GPR158: variants seen among roughly 807,000 people sequenced by gnomAD.
GPR158 encodes the protein G protein-coupled receptor 158.
GPR158 carries 30 observed loss-of-function variants against 78.2 expected under a neutral mutation model. The ratio of observed to expected loss-of-function variants is 0.38; its 90% CI spans 0.29 to 0.52. The LOEUF (loss-of-function observed/expected upper bound fraction) is 0.52. GPR158 is among the 20% of genes least tolerant of loss of function. The pLI is 0.83. For synonymous variants in GPR158, 581 were observed against 591.1 expected (o/e 0.98, Z 0.25); for missense variants, 1,463 against 1,523.5 (o/e 0.96, Z 0.66).
chr10:25,372,895 A>G (rs932734962), intron 2 of GPR158, among the ~76,000 whole-genome samples: 2 of 151,868 alleles, frequency 1.3e-5, no homozygotes, highest in Non-Finnish European at 2.9e-5. Context: ...ATTAATACAA[A>G]GAAAAAAAGA....
At chr10:25,228,543 G>A (rs1853404059) in intron 2 of GPR158, among the ~76,000 whole-genome samples, 1 of 152,056 alleles carries the variant, frequency 6.6e-6, no homozygotes, top group South Asian at 2.1e-4. Context: ...AAAATAAACA[G>A]GTTCTCCAGT....
At chr10:25,359,389 C>T (rs1855598192) in intron 2 of GPR158, among the ~76,000 whole-genome samples, 1 of 152,060 alleles carries the variant, frequency 6.6e-6, no homozygotes, top group African/African-American at 2.4e-5. Context: ...GGTATTTCTC[C>T]TAATGCTATC....
chr10:25,206,596 A>G (rs1214750030), intron 1 of GPR158, among the ~76,000 whole-genome samples: 1 of 152,172 alleles, frequency 6.6e-6, no homozygotes, highest in Non-Finnish European at 1.5e-5. Flanking sequence ...TTGTTGTAAA[A>G]CATATATGTT....
intron 5 of GPR158, among the ~76,000 whole-genome samples, chr10:25,505,947 A>G (rs1420604324): frequency 1.3e-5 from 2 of 152,216 alleles, no homozygotes; most frequent in Non-Finnish European, 2.9e-5. Context: ...TGATGTAGGC[A>G]CAGCTTTGTC....
intron 2 of GPR158, among the ~76,000 whole-genome samples, chr10:25,341,809 A>G (rs145274199): frequency 6.6e-6 from 1 of 151,942 alleles, no homozygotes; most frequent in East Asian, 1.9e-4. Context: ...TTTAAAGTTA[A>G]GTCCATCCTT....
rs1245036785 is a variant in GPR158 at position 25,599,600 on chromosome 10, A to G, written c.*326A>G. 4.4e-6 allele frequency: 1 copy of G among 226,576 alleles called. No individual in the cohort carries two copies. The highest frequency in any genetic ancestry group is 8.6e-6 in the Non-Finnish European group (1 of 115,752). 14.0% of individuals were successfully genotyped at this position (226,576 alleles called of 1,614,324 possible). ...ACTTTGAAGATCCTAAGCCAGGTAA[A>G]CCAGGAGACACAGAAGACGTACCAG... On this transcript the variant is annotated 3_prime_UTR_variant, in exon 11 of 11. Transcript: ENST00000376351.
chr10:25,500,733 T>C (rs905695844), intron 5 of GPR158, among the ~76,000 whole-genome samples: 4 of 152,210 alleles, frequency 2.6e-5, no homozygotes, highest in Non-Finnish European at 5.9e-5. Context: ...TGGAGAGGTA[T>C]AGACAGCGTG....
chr10:25,556,555 A>G lies in GPR158; in HGVS notation c.1514+5470A>G, dbSNP rs571154898. Among the ~76,000 whole-genome samples, 12 of 152,266 alleles carry G rather than the reference A, an allele frequency of 7.9e-5. No homozygotes were observed. The South Asian group carries it at 2.5e-3, about 32-fold the overall frequency. On this transcript the variant is annotated intron_variant, in intron 6 of 10. Coordinates refer to ENST00000376351, the MANE Select transcript of GPR158 (RefSeq NM_020752.3). ...GGCTGCCTACTCTGGGGTGCAGAGT[A>G]TCTTTAAGTGGAGAATTACTCATAG... is the stretch of plus-strand genomic sequence containing the variant.
chr10:25,196,808 G>A (rs1466364427), intron 1 of GPR158, among the ~76,000 whole-genome samples: 1 of 152,214 alleles, frequency 6.6e-6, no homozygotes, highest in Non-Finnish European at 1.5e-5. Context: ...GTGCTGTAGG[G>A]AGGGGATGTG....
At chr10:25,559,025 C>G in intron 6 of GPR158, among the ~76,000 whole-genome samples, 1 of 152,226 alleles carries the variant, frequency 6.6e-6, no homozygotes, top group South Asian at 2.1e-4. Context: ...CATTAGCTCT[C>G]TATTTGTTCC....
Position 25,364,045 on chromosome 10 carries a change from A to G in GPR158, c.1009-31866A>G, listed in dbSNP as rs553692318. On this transcript the variant is annotated intron_variant, in intron 2 of 10. Coordinates refer to ENST00000376351, the MANE Select transcript of GPR158 (RefSeq NM_020752.3). ...TGCTTAAAATAATGCCTAGCGTATA[A>G]TAAGCACCATATATGTAGTTGTATA... Among the ~76,000 whole-genome samples the G allele has an allele frequency of 2.0e-5, 3 of 152,080 alleles. No individual in the cohort carries two copies. In the South Asian group the frequency reaches 6.2e-4, roughly 32 times the overall value.
intron 2 of GPR158, among the ~76,000 whole-genome samples, chr10:25,306,191 T>C (rs1252002425): frequency 6.6e-6 from 1 of 152,182 alleles, no homozygotes; most frequent in Admixed American, 6.5e-5. Flanking sequence ...ATTTCCCTTA[T>C]CGAGGATGTA....
At chr10:25,302,328 C>T (rs1224600236) in intron 2 of GPR158, among the ~76,000 whole-genome samples, 3 of 151,880 alleles carry the variant, frequency 2.0e-5, no homozygotes, top group African/African-American at 7.3e-5. Flanking sequence ...TCACAATCCG[C>T]CGGCCTTGGC....
At chr10:25,457,140 C>CTTTTTTTT (rs11384299) in intron 4 of GPR158, among the ~76,000 whole-genome samples, 7 of 59,416 alleles carry the variant, frequency 1.2e-4, no homozygotes, top group African/African-American at 2.1e-4. Flanking sequence ...CCATGCCCAC[C>CTTTTTTTT]TTTTTTTTTT....
In GPR158 at chr10:25,434,844, G is replaced by C. The variant is rs145609022; in HGVS notation, c.1335+22371G>C. ...AATAAACCTAGTCTCCTAGGGTTGT[G>C]GTGAAGCTTAAATGTGTGGAAGTGT... On this transcript the variant is annotated intron_variant, in intron 4 of 10. Transcript: ENST00000376351. Among the ~76,000 whole-genome samples the C allele has an allele frequency of 2.6e-3, 397 of 152,238 alleles. 2 individuals are homozygous for C. The highest frequency in any genetic ancestry group is 9.2e-3 in the African/African-American group (384 of 41,526).
At chr10:25,267,336 C>G (rs533269855) in intron 2 of GPR158, among the ~76,000 whole-genome samples, 1 of 152,176 alleles carries the variant, frequency 6.6e-6, no homozygotes, top group Non-Finnish European at 1.5e-5. Context: ...GACATAGTGG[C>G]AGGAGAGAGA....
intron 5 of GPR158, among the ~76,000 whole-genome samples, chr10:25,547,319 T>C (rs1836674604): frequency 6.6e-6 from 1 of 151,728 alleles, no homozygotes; most frequent in East Asian, 1.9e-4. Context: ...TGGAATAAAA[T>C]CTGAATTCTC....
chr10:25,310,616 T>G (rs1854749164), intron 2 of GPR158, among the ~76,000 whole-genome samples: 1 of 152,120 alleles, frequency 6.6e-6, no homozygotes, highest in African/African-American at 2.4e-5. Context: ...TAAGAGCACT[T>G]TATTTATTAG....
rs561296587 is a variant in GPR158, at chr10:25,369,703, C to T, written c.1009-26208C>T. ...CTCATAAAATGAGTTAGGGAGGATT[C>T]CCTCTTTTTCTGTTGATTGGAATAG... On this transcript the variant is annotated intron_variant, in intron 2 of 10. Coordinates refer to ENST00000376351, the MANE Select transcript of GPR158 (RefSeq NM_020752.3). Among the ~76,000 whole-genome samples, 3 of 151,786 alleles carry T rather than the reference C, an allele frequency of 2.0e-5. No individual in the cohort carries two copies. In the East Asian group the frequency reaches 5.8e-4, roughly 29 times the overall value.
Sources: allele counts gnomAD v4.1 joint callset (sites outside exome capture counted in the v4.1 genomes callset), GRCh38; gene constraint gnomAD v4.1.1; transcripts MANE v1.5; gene names NCBI Gene and HGNC (gene_info 2026-07-23, HGNC 2026-07-21).